Variants in KIF26B observed in about 807,000 individuals in gnomAD.
KIF26B encodes the protein kinesin-like protein KIF26B.
In KIF26B, 63 loss-of-function variants were observed where a neutral mutation model predicts 151.2. That is an observed-to-expected ratio of 0.42 (90% CI 0.34 to 0.51). The LOEUF is 0.51. Among genes scored for constraint, KIF26B ranks in the 20% least tolerant of loss-of-function variants. The pLI, the probability that KIF26B is intolerant of heterozygous loss-of-function variation, is 0.07. For synonymous variants in KIF26B, 1,357 were observed against 1,262.1 expected (o/e 1.08, Z -1.59); for missense variants, 2,813 against 2,913.6 (o/e 0.97, Z 0.79).
At chr1:245,369,382 C>T (rs1236375871) in intron 3 of KIF26B, among the ~76,000 whole-genome samples, 1 of 152,150 alleles carries the variant, frequency 6.6e-6, no homozygotes, top group East Asian at 1.9e-4. Flanking sequence ...TGATAAAATG[C>T]CGGGTGACTT....
chr1:245,201,357 G>A (rs529177850), intron 2 of KIF26B, among the ~76,000 whole-genome samples: 1 of 152,348 alleles, frequency 6.6e-6, no homozygotes, highest in African/African-American at 2.4e-5. Flanking sequence ...TGCCTTAACA[G>A]TTAGATGTTA....
intron 5 of KIF26B, among the ~76,000 whole-genome samples, chr1:245,573,298 T>C (rs1715798): frequency 0.034 from 5,096 of 152,112 alleles, 329 homozygotes; most frequent in African/African-American, 0.12. Flanking sequence ...CCAACGCGGG[T>C]GGATCACGAG....
At chr1:245,506,649 T>A (rs1257632950) in intron 4 of KIF26B, among the ~76,000 whole-genome samples, 2 of 152,274 alleles carry the variant, frequency 1.3e-5, no homozygotes, top group East Asian at 3.9e-4. Flanking sequence ...TTCAAAAAAA[T>A]TTTAACTGCA....
At chr1:245,642,083 C>T (rs569030006) in intron 9 of KIF26B, among the ~76,000 whole-genome samples, 6 of 152,186 alleles carry the variant, frequency 3.9e-5, no homozygotes, top group South Asian at 2.1e-4. Context: ...CTGGCCCAAA[C>T]GGACCTGGGG....
intron 4 of KIF26B, among the ~76,000 whole-genome samples, chr1:245,486,180 C>T (rs771397711): frequency 9.8e-5 from 15 of 152,308 alleles, no homozygotes; most frequent in Middle Eastern, 3.4e-3. Flanking sequence ...AGGCTTCTTT[C>T]GTAATAGTTC....
intron 12 of KIF26B, among the ~76,000 whole-genome samples, chr1:245,696,615 A>G (rs2044697265): frequency 6.6e-6 from 1 of 152,188 alleles, no homozygotes; most frequent in African/African-American, 2.4e-5. Flanking sequence ...ACAGTCAGCT[A>G]GCTTGATCAG....
At chr1:245,629,775 C>T (rs2043760644) in intron 9 of KIF26B, among the ~76,000 whole-genome samples, 1 of 152,160 alleles carries the variant, frequency 6.6e-6, no homozygotes, top group Non-Finnish European at 1.5e-5. Flanking sequence ...AGCTCCTGCA[C>T]AGCAAAAGAA....
At chr1:245,389,531 A>G (rs1282800922) in intron 3 of KIF26B, among the ~76,000 whole-genome samples, 2 of 152,232 alleles carry the variant, frequency 1.3e-5, no homozygotes, top group Non-Finnish European at 2.9e-5. Flanking sequence ...GAATTGGCTA[A>G]TAGGGATCCA....
intron 3 of KIF26B, among the ~76,000 whole-genome samples, chr1:245,395,939 G>T (rs6672657): frequency 0.23 from 35,559 of 151,844 alleles, 6,428 homozygotes; most frequent in African/African-American, 0.51. Flanking sequence ...GTAGAACAGG[G>T]GGGGAAATTT....
chr1:245,285,209 A>G lies in KIF26B; in HGVS notation c.466-81625A>G, dbSNP rs116161563. 3.9e-3 allele frequency among the ~76,000 whole-genome samples: 600 copies of G among 152,180 alleles called. 5 individuals are homozygous for G. Among genetic ancestry groups the G allele is most frequent in the African/African-American group, 0.014 (582 of 41,528 alleles). ...CTCATCCTCCTCAGATCCATAGAGC[A>G]TGTTCTCCTCATGGCAGTGGCAGAA... On this transcript the variant is annotated intron_variant, in intron 2 of 14. Transcript: ENST00000407071.
At chr1:245,238,684 A>G (rs955347314) in intron 2 of KIF26B, among the ~76,000 whole-genome samples, 2 of 152,036 alleles carry the variant, frequency 1.3e-5, no homozygotes, top group African/African-American at 4.8e-5. Context: ...AACATGGCAA[A>G]ACCCCATCTC....
chr1:245,646,177 C>G lies in KIF26B; in HGVS notation c.2155C>G (p.Leu719Val), dbSNP rs201731357. Residue 719 changes from leucine to valine, a missense_variant, in exon 10 of 15, where the codon CTT (leucine) becomes GTT (valine). Physicochemically the swap from Leu to Val is conservative, Grantham distance 32 (BLOSUM62 1). Transcript: ENST00000407071. Reference protein sequence around the residue: ...LIDLGSCVKALSKNREGGSGL... With the variant: ...LIDLGSCVKAVSKNREGGSGL... ...TGATCTCGGCAGCTGTGTGAAAGCT[C>G]TTAGCAAAAATCGAGAAGGAGGCTC... 102 of 1,613,992 alleles carry G rather than the reference C, an allele frequency of 6.3e-5. No homozygotes were observed. In the East Asian group the frequency reaches 2.1e-3, roughly 34 times the overall value.
At chr1:245,237,464 T>C (rs1158345820) in intron 2 of KIF26B, among the ~76,000 whole-genome samples, 9 of 152,104 alleles carry the variant, frequency 5.9e-5, no homozygotes, top group African/African-American at 2.2e-4. Context: ...GGGTGGGTGA[T>C]GGTCCCTGTG....
At chr1:245,369,195 G>GACAGACAGAC (rs1553268130) in intron 3 of KIF26B, among the ~76,000 whole-genome samples, 1 of 129,506 alleles carries the variant, frequency 7.7e-6, no homozygotes, top group African/African-American at 3.1e-5. Flanking sequence ...GAGAGAGAGA[G>GACAGACAGAC]AGACAGACAG....
intron 4 of KIF26B, among the ~76,000 whole-genome samples, chr1:245,519,052 T>A (rs1572102359): frequency 6.6e-6 from 1 of 152,130 alleles, no homozygotes; most frequent in East Asian, 1.9e-4. Flanking sequence ...AGGTAAGACA[T>A]ATAGGTAAAT....
chr1:245,401,713 AC>A (rs1674004020), intron 3 of KIF26B, among the ~76,000 whole-genome samples: 1 of 152,168 alleles, frequency 6.6e-6, no homozygotes. Flanking sequence ...TAGTAAAAAT[AC>A]AAAAAATTAT....
intron 2 of KIF26B, among the ~76,000 whole-genome samples, chr1:245,237,855 C>G (rs1045002351): frequency 6.6e-6 from 1 of 151,738 alleles, no homozygotes; most frequent in Non-Finnish European, 1.5e-5. Context: ...GACCTCATCT[C>G]TGCTAAGTAA....
chr1:245,407,204 T>C (rs2103029831), intron 3 of KIF26B, among the ~76,000 whole-genome samples: 1 of 152,310 alleles, frequency 6.6e-6, no homozygotes, highest in South Asian at 2.1e-4. Context: ...TGAGTGTAGC[T>C]GAAACTCATG....
intron 4 of KIF26B, among the ~76,000 whole-genome samples, chr1:245,461,571 A>G (rs1008970629): frequency 6.6e-5 from 10 of 152,104 alleles, no homozygotes; most frequent in African/African-American, 2.4e-4. Context: ...GAGGAAATAA[A>G]TTAATGTCCA....
Sources: gnomAD v4.1 joint callset for allele counts (sites outside exome capture counted in the v4.1 genomes callset) on GRCh38, gnomAD v4.1.1 for gene constraint, MANE v1.5 for transcripts, NCBI Gene and HGNC (gene_info 2026-07-23, HGNC 2026-07-21) for gene names.